The following DOCK4 variants were observed in gnomAD, a reference collection of about 807,000 sequenced individuals.
The protein encoded by DOCK4 is dedicator of cytokinesis 4.
In DOCK4, 97 loss-of-function variants were observed where a neutral mutation model predicts 268.1. The observed-to-expected ratio is 0.36, with a 90% CI of 0.31 to 0.43. The LOEUF (loss-of-function observed/expected upper bound fraction) is 0.43, where lower values mean the gene tolerates loss of function less well. DOCK4 is among the 20% of genes least tolerant of loss of function. The pLI is 1.00. For synonymous variants in DOCK4, 954 were observed against 887.2 expected, an observed-to-expected ratio of 1.08 and a Z score of -1.34; for missense variants, 2,145 against 2,455.7, an observed-to-expected ratio of 0.87 and a Z score of 2.67.
intron 23 of DOCK4, among the ~76,000 whole-genome samples, chr7:111,847,509 G>A (rs1586161582): frequency 6.6e-6 from 1 of 150,918 alleles, no homozygotes; most frequent in African/African-American, 2.4e-5. Flanking sequence ...GTTTGGCTGT[G>A]TCCCCACCCA....
chr7:111,971,314 T>C (rs1204600772), intron 8 of DOCK4: 1 of 164,364 alleles, frequency 6.1e-6, no homozygotes, highest in East Asian at 1.6e-4. Context: ...TCCTCAGTGA[T>C]GTTAGATGTC....
chr7:111,830,847 A>G (rs1164295600), intron 26 of DOCK4, among the ~76,000 whole-genome samples: 1 of 151,532 alleles, frequency 6.6e-6, no homozygotes, highest in African/African-American at 2.4e-5. Flanking sequence ...CACCCTCATC[A>G]GTGAAATTGC....
intron 1 of DOCK4, among the ~76,000 whole-genome samples, chr7:112,174,103 G>T (rs1818308163): frequency 6.6e-6 from 1 of 151,704 alleles, no homozygotes; most frequent in Admixed American, 6.6e-5. Context: ...CCTATTCCAG[G>T]TATGAACCAT....
At chr7:112,107,760 A>T (rs1402058794) in intron 1 of DOCK4, among the ~76,000 whole-genome samples, 2 of 152,222 alleles carry the variant, frequency 1.3e-5, no homozygotes, top group Non-Finnish European at 2.9e-5. Context: ...GAACAGAAAA[A>T]GTTACTCTAG....
At chr7:112,200,093 A>C (rs1001261289) in intron 1 of DOCK4, among the ~76,000 whole-genome samples, 1 of 152,188 alleles carries the variant, frequency 6.6e-6, no homozygotes, top group Non-Finnish European at 1.5e-5. Flanking sequence ...CTTCACAGAA[A>C]CCCAGTAAGA....
chr7:111,846,323 G>C (rs1246469231), intron 24 of DOCK4, among the ~76,000 whole-genome samples: 3 of 152,176 alleles, frequency 2.0e-5, no homozygotes, highest in Non-Finnish European at 4.4e-5. Context: ...AGTGGAACAG[G>C]ATATTCTCCA....
At chr7:112,064,935 C>G (rs907204377) in intron 1 of DOCK4, among the ~76,000 whole-genome samples, 6 of 152,194 alleles carry the variant, frequency 3.9e-5, no homozygotes, top group South Asian at 2.1e-4. Context: ...AGAGAGGCCT[C>G]TGGAGAAACC....
At chr7:111,744,755 C>G (rs552538073) in intron 44 of DOCK4, among the ~76,000 whole-genome samples, 56 of 152,322 alleles carry the variant, frequency 3.7e-4, no homozygotes, top group African/African-American at 1.3e-3. Flanking sequence ...CTAGTATCTA[C>G]AAACACCCAG....
intron 1 of DOCK4, among the ~76,000 whole-genome samples, chr7:112,033,629 G>T (rs1198976845): frequency 1.3e-5 from 2 of 152,050 alleles, no homozygotes; most frequent in African/African-American, 2.4e-5. Flanking sequence ...GACTTCATGG[G>T]TTATGACTGC....
intron 1 of DOCK4, among the ~76,000 whole-genome samples, chr7:112,145,052 G>A (rs190326606): frequency 2.6e-5 from 4 of 152,200 alleles, no homozygotes; most frequent in East Asian, 1.9e-4. Flanking sequence ...ATGATGAAAC[G>A]ATATCTATTA....
intron 1 of DOCK4, among the ~76,000 whole-genome samples, chr7:112,125,507 T>C (rs1057102495): frequency 2.0e-5 from 3 of 152,198 alleles, no homozygotes; most frequent in African/African-American, 7.2e-5. Context: ...TTATAATTTA[T>C]ACCATGCAGA....
chr7:111,727,943 T>G lies in DOCK4; in HGVS notation c.*331A>C. ...AAAAACGATACAACATTGTCACACA[T>G]TGTATCGTTTGACAATATCGTATTG... On this transcript the variant is annotated 3_prime_UTR_variant, in exon 53 of 53. Coordinates refer to ENST00000428084, the MANE Select transcript of DOCK4 (RefSeq NM_001363540.2). 2 of 217,684 alleles carry G rather than the reference T, an allele frequency of 9.2e-6. No individual in the cohort carries two copies. Among genetic ancestry groups the G allele is most frequent in the Non-Finnish European group, 8.9e-6 (1 of 112,274 alleles). The allele number at this position is 217,684 out of a possible 1,614,324, so 13.5% of individuals were successfully genotyped here.
intron 1 of DOCK4, among the ~76,000 whole-genome samples, chr7:112,163,531 C>T (rs959828127): frequency 2.6e-5 from 4 of 152,126 alleles, no homozygotes; most frequent in African/African-American, 4.8e-5. Context: ...GGTTGTCTTT[C>T]GGTTGTGTGC....
At position 112,000,554 on chromosome 7, in the gene DOCK4, G is replaced by A; in HGVS notation, c.122-20C>T. On this transcript the variant is annotated intron_variant, in intron 2 of 52. Coordinates refer to ENST00000428084, the MANE Select transcript of DOCK4 (RefSeq NM_001363540.2). ...ACCAGCCTGTGGAAAAATAATCATG[G>A]TCATATTTTGATAAACCATTGTAAT... 1 of 1,517,382 alleles carries A rather than the reference G, an allele frequency of 6.6e-7. No individual in the cohort carries two copies. Among genetic ancestry groups the A allele is most frequent in the Non-Finnish European group, 8.9e-7 (1 of 1,118,986 alleles). 94.0% of individuals were successfully genotyped at this position (1,517,382 alleles called of 1,614,324 possible). A position where few individuals can be genotyped will look rare whatever the true frequency, so the allele number is the denominator to read the frequency against.
At chr7:112,121,747 T>C (rs1812746995) in intron 1 of DOCK4, among the ~76,000 whole-genome samples, 1 of 152,210 alleles carries the variant, frequency 6.6e-6, no homozygotes, top group Non-Finnish European at 1.5e-5. Flanking sequence ...TCAGGGTCTA[T>C]GAAATCCCTT....
intron 28 of DOCK4, among the ~76,000 whole-genome samples, chr7:111,810,815 G>A (rs1369286062): frequency 6.6e-6 from 1 of 151,980 alleles, no homozygotes; most frequent in East Asian, 1.9e-4. Context: ...TGGCGAACAT[G>A]GCAAAACCCC....
intron 1 of DOCK4, among the ~76,000 whole-genome samples, chr7:112,162,092 ATG>A (rs1370514506): frequency 4.6e-5 from 7 of 152,226 alleles, no homozygotes; most frequent in Non-Finnish European, 1.0e-4. Flanking sequence ...AATTTTTTAT[ATG>A]TGTCACAATT....
chr7:111,785,576 A>C (rs1241845606), intron 32 of DOCK4, among the ~76,000 whole-genome samples: 1 of 152,188 alleles, frequency 6.6e-6, no homozygotes, highest in Non-Finnish European at 1.5e-5. Context: ...ACTCAAGACC[A>C]AATGTTAGGA....
chr7:112,189,143 C>T (rs773392045), intron 1 of DOCK4, among the ~76,000 whole-genome samples: 1 of 152,122 alleles, frequency 6.6e-6, no homozygotes, highest in Non-Finnish European at 1.5e-5. Flanking sequence ...TTCAGCATGC[C>T]ATATATTTCT....
Sources: allele counts gnomAD v4.1 joint callset (sites outside exome capture counted in the v4.1 genomes callset), GRCh38; gene constraint gnomAD v4.1.1; transcripts MANE v1.5; gene names NCBI Gene and HGNC (gene_info 2026-07-23, HGNC 2026-07-21).